Variants in TMC7 observed in about 807,000 individuals in gnomAD.
The protein encoded by TMC7 is transmembrane channel like 7, also known as transmembrane channel-like protein 7.
A neutral mutation model predicts 82.9 loss-of-function variants in TMC7; 54 were observed. That is an observed-to-expected ratio of 0.65 (90% CI 0.52 to 0.82). The LOEUF is 0.82. Among genes scored for constraint, TMC7 ranks in the 40% least tolerant of loss-of-function variants. TMC7 has a pLI of 0.00. For missense variants in TMC7, 820 were observed against 901.2 expected (o/e 0.91, Z 1.15); for synonymous variants, 350 against 337.9 (o/e 1.04, Z -0.39).
chr16:19,009,803 T>C lies in TMC7; in HGVS notation c.311+388T>C, dbSNP rs181266973. On this transcript the variant is annotated intron_variant, in intron 2 of 15. Coordinates refer to ENST00000304381, the MANE Select transcript of TMC7 (RefSeq NM_024847.4). ...AGAAATACAAAAAATTAGCTGGGCA[T>C]GGTGGCGGGTGCCTGTAGTCCCAGC... is the stretch of plus-strand genomic sequence containing the variant. Among the ~76,000 whole-genome samples the C allele has an allele frequency of 2.6e-4, 40 of 151,738 alleles. No homozygotes were observed. In the East Asian group the frequency reaches 6.5e-3, roughly 25 times the overall value.
chr16:18,996,460 C>T (rs1398596642), intron 1 of TMC7, among the ~76,000 whole-genome samples: 2 of 152,130 alleles, frequency 1.3e-5, no homozygotes, highest in East Asian at 1.9e-4. Context: ...CAAAAACTAT[C>T]TAGATCTTAT....
intron 2 of TMC7, among the ~76,000 whole-genome samples, chr16:19,010,884 G>A (rs1289434409): frequency 6.6e-6 from 1 of 152,130 alleles, no homozygotes; most frequent in African/African-American, 2.4e-5. Flanking sequence ...GGCAACAGCT[G>A]GAGCCCAAGA....
chr16:19,035,842 G>C lies in TMC7; in HGVS notation c.1005+19G>C. The stretch of plus-strand genomic sequence containing the variant: ...GCTCCGAGTGAGTGCTCCTGAGTTT[G>C]TCCGTGGTGGGGTCCTCACCAGCAA... On this transcript the variant is annotated intron_variant, in intron 7 of 15. Coordinates refer to ENST00000304381, the MANE Select transcript of TMC7 (RefSeq NM_024847.4). 1 of 1,554,206 alleles carries C rather than the reference G, an allele frequency of 6.4e-7. No individual in the cohort carries two copies. Among genetic ancestry groups the C allele is most frequent in the Non-Finnish European group, 8.7e-7 (1 of 1,151,580 alleles).
chr16:19,000,396 G>A lies in TMC7; in HGVS notation c.68-8776G>A, dbSNP rs1596725045. ...GCAGGAGAATCGCTTGAACCCGGGAGGCAGAGGTTGCAGTGAGCTGAGATT... is the reference window on the plus strand; with the variant it reads ...GCAGGAGAATCGCTTGAACCCGGGAAGCAGAGGTTGCAGTGAGCTGAGATT... On this transcript the variant is annotated intron_variant, in intron 1 of 15. Transcript: ENST00000304381. 3.9e-5 allele frequency among the ~76,000 whole-genome samples: 6 copies of A among 152,166 alleles called. No individual in the cohort carries two copies. In the South Asian group the frequency reaches 1.2e-3, roughly 32 times the overall value.
chr16:18,999,127 C>G (rs1300581507), intron 1 of TMC7, among the ~76,000 whole-genome samples: 2 of 152,162 alleles, frequency 1.3e-5, no homozygotes, highest in African/African-American at 4.8e-5. Flanking sequence ...CAGCCTCAAC[C>G]TTCCAGGCTC....
chr16:18,985,804 T>G (rs1179353887), intron 1 of TMC7, among the ~76,000 whole-genome samples: 1 of 146,978 alleles, frequency 6.8e-6, no homozygotes, highest in Non-Finnish European at 1.5e-5. Flanking sequence ...ACCTGTTGTA[T>G]GGGCATTATA....
intron 1 of TMC7, among the ~76,000 whole-genome samples, chr16:18,991,741 G>C (rs986081743): frequency 6.6e-5 from 10 of 151,280 alleles, no homozygotes; most frequent in African/African-American, 2.4e-4. Context: ...CCCCGTCCCC[G>C]CACCGCACAA....
chr16:18,996,562 G>C (rs1038939604), intron 1 of TMC7, among the ~76,000 whole-genome samples: 1 of 152,174 alleles, frequency 6.6e-6, no homozygotes, highest in African/African-American at 2.4e-5. Flanking sequence ...AAGAAAATAA[G>C]GCATTTAAGT....
intron 1 of TMC7, among the ~76,000 whole-genome samples, chr16:18,996,461 T>C (rs1156425400): frequency 6.6e-6 from 1 of 152,200 alleles, no homozygotes; most frequent in Non-Finnish European, 1.5e-5. Context: ...AAAAACTATC[T>C]AGATCTTATA....
intron 1 of TMC7, among the ~76,000 whole-genome samples, chr16:19,001,369 C>T (rs1266831814): frequency 6.6e-6 from 1 of 152,042 alleles, no homozygotes; most frequent in African/African-American, 2.4e-5. Context: ...AGAGACAACA[C>T]ACAAGTAAAA....
chr16:19,043,513 C>A lies in TMC7; in HGVS notation c.1338-1371C>A, dbSNP rs560967947. Reference sequence around the variant, plus strand: ...TCATCACCAGCATCCATCTCCAGAACCTTTTCAACAGCCCCAACAGAAATT... The same window carrying A: ...TCATCACCAGCATCCATCTCCAGAAACTTTTCAACAGCCCCAACAGAAATT... On this transcript the variant is annotated intron_variant, in intron 9 of 15. Transcript: ENST00000304381. Among the ~76,000 whole-genome samples the A allele has an allele frequency of 1.7e-4, 26 of 152,316 alleles. 1 individual carries two copies. In the Middle Eastern group the frequency reaches 0.014, roughly 80 times the overall value.
chr16:19,052,660 AAAAC>A (rs1386090372), intron 13 of TMC7, among the ~76,000 whole-genome samples: 1 of 152,182 alleles, frequency 6.6e-6, no homozygotes, highest in East Asian at 1.9e-4. Context: ...TAAAAACAAA[AAAAC>A]AAACAAAAAA....
chr16:19,047,626 A>G lies in TMC7; in HGVS notation c.1740+377A>G, dbSNP rs190163831. Among the ~76,000 whole-genome samples the G allele has an allele frequency of 9.2e-3, 1,385 of 150,876 alleles. 9 individuals carry two copies. The highest frequency in any genetic ancestry group is 0.021 in the African/African-American group (871 of 41,066). The stretch of plus-strand genomic sequence containing the variant: ...TGGCCAGGTTGGTCTTGAACTTGTG[A>G]CCTCATGATCCACCCGCCTCGGCCT... On this transcript the variant is annotated intron_variant, in intron 12 of 15. Coordinates refer to ENST00000304381, the MANE Select transcript of TMC7 (RefSeq NM_024847.4).
chr16:18,990,102 T>C (rs574675643), intron 1 of TMC7, among the ~76,000 whole-genome samples: 1 of 151,788 alleles, frequency 6.6e-6, no homozygotes, highest in Non-Finnish European at 1.5e-5. Context: ...TTCTCAAGGG[T>C]GGGGAGAATT....
chr16:19,009,541 C>T, intron 2 of TMC7, 126 bp downstream of exon 2: 1 of 1,240,440 alleles, frequency 8.1e-7, no homozygotes, highest in Admixed American at 2.4e-5. Flanking sequence ...GTAAGCTAAG[C>T]CTCTTTGACA....
At chr16:19,039,990 C>T (rs1397946352) in intron 8 of TMC7, among the ~76,000 whole-genome samples, 3 of 151,604 alleles carry the variant, frequency 2.0e-5, no homozygotes, top group South Asian at 2.1e-4. Context: ...GTGGGGGGTG[C>T]CTGTAGTCCC....
Position 19,061,771 on chromosome 16 carries a change from T to G in TMC7, c.2107-7T>G, listed in dbSNP as rs1269730239. The G allele has an allele frequency of 3.7e-6, 6 of 1,612,306 alleles. No individual in the cohort carries two copies. Among genetic ancestry groups the G allele is most frequent in the South Asian group, 1.1e-5 (1 of 90,828 alleles). On this transcript the variant is annotated splice_region_variant and splice_polypyrimidine_tract_variant and intron_variant, in intron 15 of 15. Transcript: ENST00000304381. ...TTAAATGTACATGTGAACTTATTAT[T>G]TTTTAGGAAAGTCGTGACAAGTGCT...
At chr16:18,995,318 C>G (rs2039025294) in intron 1 of TMC7, among the ~76,000 whole-genome samples, 2 of 152,130 alleles carry the variant, frequency 1.3e-5, no homozygotes, top group Admixed American at 6.6e-5. Flanking sequence ...CAGACTTACC[C>G]TCCACTGTAA....
In TMC7 at chr16:19,010,901, C is replaced by T. The variant is rs180675379; in HGVS notation, c.311+1486C>T. Among the ~76,000 whole-genome samples, 13 of 152,202 alleles carry T rather than the reference C, an allele frequency of 8.5e-5. 1 individual carries two copies. The highest frequency in any genetic ancestry group is 7.2e-4 in the Admixed American group (11 of 15,272). On this transcript the variant is annotated intron_variant, in intron 2 of 15. Coordinates refer to ENST00000304381, the MANE Select transcript of TMC7 (RefSeq NM_024847.4). ...CAACAGCTGGAGCCCAAGAGAGGAT[C>T]GGAAGCCTGCAGAACCTCTTGGGAC... is the stretch of plus-strand genomic sequence containing the variant.
Sources: gnomAD v4.1 joint callset for allele counts (sites outside exome capture counted in the v4.1 genomes callset) on GRCh38, gnomAD v4.1.1 for gene constraint, MANE v1.5 for transcripts, NCBI Gene and HGNC (gene_info 2026-07-23, HGNC 2026-07-21) for gene names.